Variants in TLN2 observed in about 807,000 individuals in gnomAD.
TLN2 encodes talin-2.
A neutral mutation model predicts 294.7 loss-of-function variants in TLN2; 118 were observed. That is an observed-to-expected ratio of 0.40 (90% CI 0.34 to 0.47). The LOEUF (loss-of-function observed/expected upper bound fraction) is 0.47. Among genes scored for constraint, TLN2 ranks in the 20% least tolerant of loss-of-function variants. TLN2 has a pLI of 0.84. For missense variants in TLN2, 3,083 were observed against 3,282.2 expected (o/e 0.94, Z 1.48); for synonymous variants, 1,431 against 1,304.5 (o/e 1.10, Z -2.09).
At chr15:62,467,361 T>C (rs956195370) in intron 1 of TLN2, among the ~76,000 whole-genome samples, 6 of 152,224 alleles carry the variant, frequency 3.9e-5, no homozygotes, top group African/African-American at 7.2e-5. Context: ...GATATCTTAT[T>C]GGAGCCTTAA....
chr15:62,424,653 CT>C (rs72381963), intron 1 of TLN2, among the ~76,000 whole-genome samples: 29,850 of 151,322 alleles, frequency 0.2, 3,035 homozygotes, highest in Non-Finnish European at 0.22. Context: ...TTTCTTTTTC[CT>C]TTTTTTTTGT....
chr15:62,717,224 C>T (rs2059835183), intron 23 of TLN2, among the ~76,000 whole-genome samples: 1 of 152,142 alleles, frequency 6.6e-6, no homozygotes, highest in Non-Finnish European at 1.5e-5. Context: ...TGACACAGAA[C>T]CATCTACGCT....
At chr15:62,746,259 A>G (rs1365208768) in intron 32 of TLN2, among the ~76,000 whole-genome samples, 2 of 152,196 alleles carry the variant, frequency 1.3e-5, no homozygotes, top group African/African-American at 2.4e-5. Context: ...ATGCCAGCCT[A>G]TCTCAGAAGC....
intron 52 of TLN2, among the ~76,000 whole-genome samples, chr15:62,812,915 C>G (rs779255924): frequency 1.3e-5 from 2 of 152,030 alleles, no homozygotes; most frequent in Non-Finnish European, 2.9e-5. Flanking sequence ...TCAGAGACTC[C>G]TGCTTAGTGG....
chr15:62,520,670 G>A lies in TLN2; in HGVS notation c.-237-69017G>A, dbSNP rs147719930. ...CAAGGAGGTGGTTGGAAAGATAACC[G>A]TATATGTTGCTAAGCGGAAAAAGTA... On this transcript the variant is annotated intron_variant, in intron 1 of 58. Transcript: ENST00000636159. Among the ~76,000 whole-genome samples, 39 of 152,314 alleles carry A rather than the reference G, an allele frequency of 2.6e-4. No individual in the cohort carries two copies. In the East Asian group the frequency reaches 7.3e-3, roughly 29 times the overall value.
chr15:62,729,719 A>G (rs2060615875), intron 28 of TLN2, among the ~76,000 whole-genome samples: 1 of 151,726 alleles, frequency 6.6e-6, no homozygotes, highest in South Asian at 2.1e-4. Context: ...TTTCAATTGG[A>G]GTATTTTGTG....
intron 1 of TLN2, among the ~76,000 whole-genome samples, chr15:62,574,466 A>G (rs1438940527): frequency 6.6e-6 from 1 of 151,476 alleles, no homozygotes; most frequent in Non-Finnish European, 1.5e-5. Flanking sequence ...TTGTAGCTCC[A>G]GGTACTCAGG....
intron 52 of TLN2, among the ~76,000 whole-genome samples, chr15:62,817,502 T>A (rs913342173): frequency 6.6e-6 from 1 of 152,230 alleles, no homozygotes; most frequent in Admixed American, 6.5e-5. Context: ...TGTGAAGTAG[T>A]GCTCAAAGAT....
At chr15:62,669,959 G>A (rs1381053735) in intron 9 of TLN2, among the ~76,000 whole-genome samples, 1 of 152,138 alleles carries the variant, frequency 6.6e-6, no homozygotes, top group African/African-American at 2.4e-5. Context: ...TTCTGATGTT[G>A]GTTTTAGTAA....
At chr15:62,424,952 CTTTTT>C (rs529075856) in intron 1 of TLN2, among the ~76,000 whole-genome samples, 5 of 129,246 alleles carry the variant, frequency 3.9e-5, no homozygotes, top group Admixed American at 8.1e-5. Flanking sequence ...CGTGCCTGGC[CTTTTT>C]TTTTTTTTTT....
rs530610767 is a variant in TLN2 at position 62,543,297 on chromosome 15, G to A, written c.-237-46390G>A. Among the ~76,000 whole-genome samples the A allele has an allele frequency of 7.2e-5, 11 of 152,308 alleles. No individual in the cohort carries two copies. The South Asian group carries it at 2.1e-3, about 29-fold the overall frequency. ...TATATTCTCAACTCTAAAACAAGGA[G>A]GTTGGACTTCATTAATTCAGCATAT... On this transcript the variant is annotated intron_variant, in intron 1 of 58. Coordinates refer to ENST00000636159, the MANE Select transcript of TLN2 (RefSeq NM_015059.3).
At chr15:62,798,798 C>T (rs1054002536) in intron 48 of TLN2, among the ~76,000 whole-genome samples, 2 of 152,196 alleles carry the variant, frequency 1.3e-5, no homozygotes, top group African/African-American at 2.4e-5. Context: ...AGCACAGCTC[C>T]GAGAGGAAAC....
intron 1 of TLN2, among the ~76,000 whole-genome samples, chr15:62,425,782 T>C (rs369711381): frequency 2.6e-5 from 4 of 152,166 alleles, no homozygotes; most frequent in East Asian, 3.9e-4. Context: ...CAGGACTCAG[T>C]TGGTATGCAG....
chr15:62,584,200 CAT>C (rs1159797475), intron 1 of TLN2, among the ~76,000 whole-genome samples: 3 of 152,232 alleles, frequency 2.0e-5, no homozygotes, highest in Non-Finnish European at 2.9e-5. Context: ...TCTGTGCACA[CAT>C]AAGGTTAGAG....
chr15:62,665,336 C>T lies in TLN2; in HGVS notation c.788+7438C>T, dbSNP rs1222915434. ...AAGTGCTGGGATTACAGACTTGAGA[C>T]AGCACACCCAGCTCACTTAACATTT... On this transcript the variant is annotated intron_variant, in intron 9 of 58. Transcript: ENST00000636159. Among the ~76,000 whole-genome samples the T allele has an allele frequency of 2.6e-5, 4 of 152,142 alleles. 1 individual carries two copies. Among genetic ancestry groups the T allele is most frequent in the Non-Finnish European group, 5.9e-5 (4 of 68,032 alleles).
intron 32 of TLN2, among the ~76,000 whole-genome samples, chr15:62,746,502 A>G (rs909303980): frequency 4.6e-5 from 7 of 152,218 alleles, no homozygotes; most frequent in African/African-American, 1.4e-4. Flanking sequence ...TACAAAAACT[A>G]TTTTAGAATT....
intron 43 of TLN2, among the ~76,000 whole-genome samples, chr15:62,778,993 T>G (rs1402762820): frequency 6.6e-6 from 1 of 152,252 alleles, no homozygotes; most frequent in Non-Finnish European, 1.5e-5. Context: ...TGGCATAGTC[T>G]CTCAGAATTT....
chr15:62,620,600 T>C (rs1347479417), intron 3 of TLN2, among the ~76,000 whole-genome samples: 1 of 151,508 alleles, frequency 6.6e-6, no homozygotes, highest in Non-Finnish European at 1.5e-5. Flanking sequence ...TACCTCAGCC[T>C]CCCTAATAGC....
chr15:62,784,567 G>T (rs1039885069), intron 45 of TLN2: 3 of 152,294 alleles, frequency 2.0e-5, no homozygotes, highest in African/African-American at 7.2e-5. Context: ...ACTTCTAATG[G>T]GGTGGTCCAT....
Sources: gnomAD v4.1 joint callset for allele counts (sites outside exome capture counted in the v4.1 genomes callset) on GRCh38, gnomAD v4.1.1 for gene constraint, MANE v1.5 for transcripts, NCBI Gene and HGNC (gene_info 2026-07-23, HGNC 2026-07-21) for gene names.